PRR11: variants seen among roughly 807,000 people sequenced by gnomAD.
The protein encoded by PRR11 is proline-rich protein 11.
Under a neutral mutation model 45.6 loss-of-function variants are expected in PRR11, and 30 were observed. That is an observed-to-expected ratio of 0.66 (90% CI 0.49 to 0.89). PRR11 has a LOEUF of 0.89. Among genes scored for constraint, PRR11 ranks in the 40% least tolerant of loss-of-function variants. The probability of loss-of-function intolerance (pLI) is 0.00; values close to 1 mark genes in which losing one functional copy is unlikely to be tolerated. For synonymous variants in PRR11, 128 were observed against 153.5 expected, an observed-to-expected ratio of 0.83 and a Z score of 1.23; for missense variants, 373 against 424.8, an observed-to-expected ratio of 0.88 and a Z score of 1.07.
At chr17:59,180,827 G>C (rs2046781297) in intron 2 of PRR11, among the ~76,000 whole-genome samples, 2 of 150,448 alleles carry the variant, frequency 1.3e-5, no homozygotes, top group Admixed American at 1.3e-4. Flanking sequence ...TTTGAAACAG[G>C]GTTTTGTTCT....
Position 59,205,889 on chromosome 17 carries a change from A to AC in PRR11, c.*4258_*4259insC, listed in dbSNP as rs200342541. 0.1 allele frequency among the ~76,000 whole-genome samples: 15,298 copies of AC among 151,214 alleles called. 1,017 individuals carry two copies. Among genetic ancestry groups the AC allele is most frequent in the South Asian group, 0.26 (1,247 of 4,798 alleles). On this transcript the variant is annotated 3_prime_UTR_variant, in exon 10 of 10. Transcript: ENST00000262293. ...GGTGAAACCCCGTCTCTACCAAAAA[A>AC]AATATATAAAAATTATCTGGGTGTG...
Position 59,171,188 on chromosome 17 carries a change from G to A in PRR11, c.128+1308G>A, listed in dbSNP as rs1327106442. Among the ~76,000 whole-genome samples the A allele has an allele frequency of 9.9e-5, 15 of 152,238 alleles. No homozygotes were observed. The East Asian group carries it at 1.7e-3, about 18-fold the overall frequency. ...TGAAGCAGGAGAATGGCGTGAGCCC[G>A]GGAGGCAGAGCTTGCAGTGAGCCGA... On this transcript the variant is annotated intron_variant, in intron 2 of 9. Transcript: ENST00000262293.
chr17:59,172,101 G>A (rs1173238928), intron 2 of PRR11, among the ~76,000 whole-genome samples: 1 of 152,198 alleles, frequency 6.6e-6, no homozygotes, highest in Non-Finnish European at 1.5e-5. Flanking sequence ...AATGCATAGT[G>A]TGTATGAAGC....
At chr17:59,173,444 A>T (rs969714456) in intron 2 of PRR11, among the ~76,000 whole-genome samples, 3 of 152,198 alleles carry the variant, frequency 2.0e-5, no homozygotes, top group African/African-American at 7.2e-5. Context: ...ATGAGCTGTA[A>T]CACTCACCAT....
Position 59,197,704 on chromosome 17 carries a change from G to T in PRR11, c.929G>T (p.Gly310Val). Residue 310 changes from glycine (G) to valine (V), a missense_variant, in exon 9 of 10, where the codon GGA becomes GTA. Physicochemically the swap from Gly to Val is moderately radical, Grantham distance 109 (BLOSUM62 -3). Transcript: ENST00000262293. ...RKVDVERSPG[G>V]TPLTNKENME... ...CAATACCTTTGCAGGAGCCCAGGTG[G>T]AACCCCTCTTACCAATAAGGAAAAT... is the stretch of plus-strand genomic sequence containing the variant. 1 of 1,613,980 alleles carries T rather than the reference G, an allele frequency of 6.2e-7. No individual in the cohort carries two copies. Among genetic ancestry groups the T allele is most frequent in the Non-Finnish European group, 8.5e-7 (1 of 1,179,944 alleles).
chr17:59,168,403 C>T (rs1000538034), intron 1 of PRR11, among the ~76,000 whole-genome samples: 1 of 152,110 alleles, frequency 6.6e-6, no homozygotes, highest in African/African-American at 2.4e-5. Flanking sequence ...CTCCTGGCCT[C>T]GAGTGATCTG....
At position 59,169,851 on chromosome 17, in the gene PRR11, A is replaced by ACCT. The variant is rs778459972; in HGVS notation, c.108_110dup (p.Pro39dup). On this transcript the variant is annotated inframe_insertion, in exon 2 of 10. Coordinates refer to ENST00000262293, the MANE Select transcript of PRR11 (RefSeq NM_018304.4). ...CTCACTTTCAGTCCAAGCTAATTAC[A>ACCT]CCTCCTCCTCCACCACCCTCACCAG... The ACCT allele has an allele frequency of 6.2e-7, 1 of 1,609,814 alleles. No individual in the cohort carries two copies. The highest frequency in any genetic ancestry group is 1.3e-5 in the African/African-American group (1 of 74,666).
intron 2 of PRR11, among the ~76,000 whole-genome samples, chr17:59,174,125 A>G (rs1305079417): frequency 1.3e-5 from 2 of 152,178 alleles, no homozygotes; most frequent in Non-Finnish European, 2.9e-5. Flanking sequence ...AAACTCACTC[A>G]ATATACCCAA....
chr17:59,183,513 A>G (rs1375873503), intron 2 of PRR11, among the ~76,000 whole-genome samples: 1 of 152,158 alleles, frequency 6.6e-6, no homozygotes, highest in Non-Finnish European at 1.5e-5. Context: ...TCACTGTCCG[A>G]GATTCTATAC....
chr17:59,166,142 G>T (rs1568317993), intron 1 of PRR11, among the ~76,000 whole-genome samples: 1 of 152,150 alleles, frequency 6.6e-6, no homozygotes, highest in African/African-American at 2.4e-5. Flanking sequence ...GGGTAGTGGG[G>T]GTTCATCAGC....
chr17:59,172,448 C>T (rs1004041081), intron 2 of PRR11, among the ~76,000 whole-genome samples: 6 of 152,252 alleles, frequency 3.9e-5, no homozygotes, highest in Non-Finnish European at 8.8e-5. Context: ...TTCAGCCCGC[C>T]GCTGCACTGT....
chr17:59,158,621 G>A (rs2046637225), intron 1 of PRR11, among the ~76,000 whole-genome samples: 1 of 151,892 alleles, frequency 6.6e-6, no homozygotes, highest in African/African-American at 2.4e-5. Flanking sequence ...GTAAATCTAG[G>A]TGAACTGTAT....
At position 59,205,957 on chromosome 17, in the gene PRR11, G is replaced by A. The variant is rs1282119521; in HGVS notation, c.*4326G>A. 1.1e-4 allele frequency among the ~76,000 whole-genome samples: 17 copies of A among 151,954 alleles called. No individual in the cohort carries two copies. The highest frequency in any genetic ancestry group is 1.4e-4 in the African/African-American group (6 of 41,392). ...TCTCAGCTTCTCAGAAGACTGAGGC[G>A]TGAGAATCACTTGAACGATGGAAGT... On this transcript the variant is annotated 3_prime_UTR_variant, in exon 10 of 10. Transcript: ENST00000262293.
At chr17:59,201,308 A>G (rs1453744794) in intron 9 of PRR11, among the ~76,000 whole-genome samples, 1 of 152,230 alleles carries the variant, frequency 6.6e-6, no homozygotes, top group African/African-American at 2.4e-5. Flanking sequence ...CAAAATGCCT[A>G]CATTTCCTGA....
chr17:59,197,879 G>A, intron 9 of PRR11, 90 bp downstream of exon 9: 1 of 1,129,576 alleles, frequency 8.9e-7, no homozygotes. Flanking sequence ...TAACACTTTG[G>A]GAGGCTGAGG....
chr17:59,164,598 G>A (rs1306364267), intron 1 of PRR11, among the ~76,000 whole-genome samples: 1 of 152,148 alleles, frequency 6.6e-6, no homozygotes, highest in Non-Finnish European at 1.5e-5. Context: ...CTCCCAATCA[G>A]TGGACTCAGC....
intron 9 of PRR11, among the ~76,000 whole-genome samples, chr17:59,199,736 T>C (rs2046883618): frequency 6.6e-6 from 1 of 152,214 alleles, no homozygotes; most frequent in South Asian, 2.1e-4. Flanking sequence ...ACCCCAATAT[T>C]GTCTTCCTTT....
intron 1 of PRR11, among the ~76,000 whole-genome samples, chr17:59,156,934 A>T (rs2046627965): frequency 6.6e-6 from 1 of 152,148 alleles, no homozygotes. Context: ...GCCGCAAAGA[A>T]CTTTTCATAT....
intron 1 of PRR11, among the ~76,000 whole-genome samples, chr17:59,158,718 A>G (rs2046637676): frequency 6.6e-6 from 1 of 152,242 alleles, no homozygotes. Flanking sequence ...AAAATAGACA[A>G]TAGTGAAAGA....
Sources: gnomAD v4.1 joint callset for allele counts (sites outside exome capture counted in the v4.1 genomes callset) on GRCh38, gnomAD v4.1.1 for gene constraint, MANE v1.5 for transcripts, NCBI Gene and HGNC (gene_info 2026-07-23, HGNC 2026-07-21) for gene names.